The following NAV3 variants were observed in gnomAD, a reference collection of about 807,000 sequenced individuals.
The protein encoded by NAV3 is pore membrane and/or filament interacting like protein 1.
A neutral mutation model predicts 244.7 loss-of-function variants in NAV3; 87 were observed. The observed-to-expected ratio is 0.36, with a 90% CI of 0.30 to 0.42. The LOEUF is 0.42. Ranked by LOEUF, NAV3 falls within the 20% of genes least tolerant of loss-of-function variation. The pLI is 1.00. For missense variants in NAV3, 2,663 were observed against 2,893.3 expected, an observed-to-expected ratio of 0.92 and a Z score of 1.83; for synonymous variants, 1,126 against 1,042.2, an observed-to-expected ratio of 1.08 and a Z score of -1.55.
intron 2 of NAV3, among the ~76,000 whole-genome samples, chr12:77,821,847 A>G (rs1872757494): frequency 6.6e-6 from 1 of 152,142 alleles, no homozygotes; most frequent in African/African-American, 2.4e-5. Flanking sequence ...TTGTGTACCC[A>G]TATTCCAACA....
At chr12:77,905,606 GT>G (rs2136978428) in intron 1 of NAV3, among the ~76,000 whole-genome samples, 1 of 151,898 alleles carries the variant, frequency 6.6e-6, no homozygotes, top group East Asian at 1.9e-4. Flanking sequence ...TACATATTAA[GT>G]TACATATTTA....
intron 2 of NAV3, among the ~76,000 whole-genome samples, chr12:77,586,207 T>A (rs1395962978): frequency 6.6e-6 from 1 of 152,166 alleles, no homozygotes; most frequent in Non-Finnish European, 1.5e-5. Flanking sequence ...TTTACACTGA[T>A]TAATTGCTCC....
At chr12:78,188,828 T>G (rs1390399878) in intron 33 of NAV3, 51 bp downstream of exon 33, 2 of 1,567,528 alleles carry the variant, frequency 1.3e-6, no homozygotes, top group Admixed American at 1.7e-5. Context: ...TAGCAACATT[T>G]TATTCTGCCC....
At chr12:77,960,916 A>G (rs1444525250) in intron 3 of NAV3, among the ~76,000 whole-genome samples, 1 of 144,160 alleles carries the variant, frequency 6.9e-6, no homozygotes, top group Non-Finnish European at 1.5e-5. Flanking sequence ...TTCAATATAC[A>G]TGTGTTTAAT....
intron 12 of NAV3, among the ~76,000 whole-genome samples, chr12:78,086,994 C>A (rs924316108): frequency 9.2e-5 from 14 of 152,002 alleles, no homozygotes; most frequent in African/African-American, 3.4e-4. Context: ...TTTCTACAGC[C>A]TGTAGCCCAT....
intron 12 of NAV3, among the ~76,000 whole-genome samples, chr12:78,096,733 GA>G (rs1258055475): frequency 3.3e-5 from 5 of 152,218 alleles, no homozygotes; most frequent in East Asian, 3.9e-4. Context: ...AACACATGGG[GA>G]TTATGAGAGC....
At chr12:78,045,712 C>T (rs893188396) in intron 9 of NAV3, among the ~76,000 whole-genome samples, 39 of 152,214 alleles carry the variant, frequency 2.6e-4, no homozygotes, top group African/African-American at 8.9e-4. Context: ...TGTGTCTTTG[C>T]CACGTTTTGG....
chr12:78,063,829 A>G (rs1439460878), intron 12 of NAV3, among the ~76,000 whole-genome samples: 2 of 152,128 alleles, frequency 1.3e-5, no homozygotes. Flanking sequence ...GGTGTGAGGA[A>G]CCAGTAATGG....
chr12:78,094,347 T>C (rs1308197815), intron 12 of NAV3, among the ~76,000 whole-genome samples: 1 of 152,230 alleles, frequency 6.6e-6, no homozygotes, highest in African/African-American at 2.4e-5. Flanking sequence ...GCCTGAGATT[T>C]AACCTATGGC....
At chr12:77,684,714 T>C (rs1874635057) in intron 2 of NAV3, among the ~76,000 whole-genome samples, 1 of 143,240 alleles carries the variant, frequency 7.0e-6, no homozygotes, top group Non-Finnish European at 1.5e-5. Context: ...TGATGATTCC[T>C]TTTTTTTGTT....
chr12:77,827,139 A>G (rs1429213307), upstream of NAV3, among the ~76,000 whole-genome samples: 1 of 150,786 alleles, frequency 6.6e-6, no homozygotes, highest in Non-Finnish European at 1.5e-5. Flanking sequence ...AGGCTGAGGC[A>G]TGAGAATCGC....
chr12:77,930,440 T>C (rs1201872596), intron 1 of NAV3, among the ~76,000 whole-genome samples: 1 of 36,846 alleles, frequency 2.7e-5, no homozygotes, highest in African/African-American at 1.8e-4. Flanking sequence ...TACATTTACC[T>C]TTTTTTTTTA....
chr12:77,673,752 A>G (rs1874089911), intron 2 of NAV3, among the ~76,000 whole-genome samples: 1 of 152,154 alleles, frequency 6.6e-6, no homozygotes, highest in South Asian at 2.1e-4. Flanking sequence ...TCTATAGAAA[A>G]TATTTCATTT....
intron 16 of NAV3, among the ~76,000 whole-genome samples, chr12:78,126,811 C>G (rs983441753): frequency 6.6e-6 from 1 of 152,156 alleles, no homozygotes; most frequent in Non-Finnish European, 1.5e-5. Flanking sequence ...AGATCTATCT[C>G]ATTTTGCATG....
intron 1 of NAV3, among the ~76,000 whole-genome samples, chr12:77,930,288 T>A (rs1426255879): frequency 6.6e-6 from 1 of 152,150 alleles, no homozygotes; most frequent in East Asian, 1.9e-4. Context: ...TTTTCATTGT[T>A]CCCATGTAAA....
Position 77,584,575 on chromosome 12 carries a change from C to A in NAV3, c.72+12309C>A, listed in dbSNP as rs76329821. On this transcript the variant is annotated intron_variant, in intron 2 of 8. Coordinates refer to the NAV3 transcript ENST00000550042. ...CTTTCAAAGGGCAAAGCTATCAAAG[C>A]AGCCTCCTGCATTTTCCATTGACTC... 1.6e-4 allele frequency among the ~76,000 whole-genome samples: 24 copies of A among 152,244 alleles called. No homozygotes were observed. The East Asian group carries it at 4.6e-3, about 29-fold the overall frequency.
At chr12:78,022,305 G>A in intron 9 of NAV3, among the ~76,000 whole-genome samples, 1 of 152,128 alleles carries the variant, frequency 6.6e-6, no homozygotes, top group South Asian at 2.1e-4. Context: ...ATATATAGAT[G>A]ATGTAAGAAA....
At chr12:77,727,430 ATT>A (rs35899693) in intron 2 of NAV3, among the ~76,000 whole-genome samples, 1 of 148,838 alleles carries the variant, frequency 6.7e-6, no homozygotes, top group African/African-American at 2.4e-5. Context: ...AAGAGGAACA[ATT>A]TTTTTTTTTA....
chr12:78,070,440 G>A (rs897661051), intron 12 of NAV3, among the ~76,000 whole-genome samples: 8 of 150,518 alleles, frequency 5.3e-5, no homozygotes, highest in South Asian at 2.1e-4. Context: ...GAATAATGAC[G>A]TCAATAATAT....
Sources: allele counts gnomAD v4.1 joint callset (sites outside exome capture counted in the v4.1 genomes callset), GRCh38; gene constraint gnomAD v4.1.1; transcripts MANE v1.5; gene names NCBI Gene and HGNC (gene_info 2026-07-23, HGNC 2026-07-21).